SACS: variants seen among roughly 807,000 people sequenced by gnomAD.
The protein encoded by SACS is sacsin molecular chaperone.
Under a neutral mutation model 348.0 loss-of-function variants are expected in SACS, and 197 were observed. That is an observed-to-expected ratio of 0.57 (90% CI 0.50 to 0.64). SACS has a LOEUF of 0.64. SACS is among the 30% of genes least tolerant of loss of function. The probability of loss-of-function intolerance (pLI) is 0.00; values close to 1 mark genes in which losing one functional copy is unlikely to be tolerated. For synonymous variants in SACS, 1,985 were observed against 1,910.6 expected (o/e 1.04, Z -1.02); for missense variants, 4,999 against 5,360.8 (o/e 0.93, Z 2.11).
chr13:23,334,571 A>T lies in SACS; in HGVS notation c.9305T>A (p.Leu3102Ter), dbSNP rs886041949. Residue 3102 changes from leucine (L) to a stop codon, truncating the protein, a stop_gained, in exon 10 of 10, where the codon TTA becomes TAA. Transcript: ENST00000382292. LOFTEE classifies it high-confidence loss of function. The stretch of plus-strand genomic sequence containing the variant: ...AGTGTCAGGAGAGGAAAATGTCATT[A>T]AAAAAGATCTGATATCAGCAGGGGT... Reference protein sequence around the residue: ...YVTPADIRSFLMTFSSPDTNC... With the variant: ...YVTPADIRSF The T allele has an allele frequency of 3.1e-6, 5 of 1,613,398 alleles. No homozygotes were observed. The highest frequency in any genetic ancestry group is 1.7e-5 in the Admixed American group (1 of 59,964).
chr13:23,405,072 A>G (rs1409046593), intron 2 of SACS, among the ~76,000 whole-genome samples: 1 of 152,220 alleles, frequency 6.6e-6, no homozygotes, highest in Non-Finnish European at 1.5e-5. Flanking sequence ...TAAATTTCAT[A>G]TGGAACCAAA....
Position 23,330,808 on chromosome 13 carries a change from C to A in SACS, c.13068G>T (p.Gln4356His), listed in dbSNP as rs538608223. 2 of 1,614,094 alleles carry A rather than the reference C, an allele frequency of 1.2e-6. No homozygotes were observed. The highest frequency in any genetic ancestry group is 2.2e-5 in the South Asian group (2 of 91,074). Reference sequence around the variant, plus strand: ...GTTTTTCTAATCTGTTGATTTCATTCTGCAAATGTTTAAAAACTTCATTGG... The same window carrying A: ...GTTTTTCTAATCTGTTGATTTCATTATGCAAATGTTTAAAAACTTCATTGG... ...DIANEVFKHL[Q>H]NEINRLEKQA... is the part of the protein sequence containing the mutation. Residue 4356 changes from glutamine (Q) to histidine (H), a missense_variant, in exon 10 of 10, where the codon CAG becomes CAT. Transcript: ENST00000382292.
At chr13:23,409,396 T>C (rs1222347656) in intron 2 of SACS, among the ~76,000 whole-genome samples, 1 of 146,266 alleles carries the variant, frequency 6.8e-6, no homozygotes, top group Non-Finnish European at 1.5e-5. Context: ...TTCACTCTTG[T>C]TGTCCAGGCT....
intron 2 of SACS, among the ~76,000 whole-genome samples, chr13:23,375,785 C>T (rs552587380): frequency 3.3e-4 from 51 of 152,256 alleles, no homozygotes; most frequent in African/African-American, 1.2e-3. Context: ...CCAGGCCCCG[C>T]CCCGCCTGCA....
At chr13:23,384,540 T>C (rs1872193310) in intron 2 of SACS, among the ~76,000 whole-genome samples, 1 of 152,252 alleles carries the variant, frequency 6.6e-6, no homozygotes, top group African/African-American at 2.4e-5. Flanking sequence ...ATTGGACAGA[T>C]ATTAATAAAC....
At chr13:23,387,607 G>A (rs1872349458) in intron 2 of SACS, among the ~76,000 whole-genome samples, 1 of 151,888 alleles carries the variant, frequency 6.6e-6, no homozygotes. Context: ...GTTTCTTTTT[G>A]GTCCTCATAG....
intron 9 of SACS, among the ~76,000 whole-genome samples, chr13:23,347,929 C>G (rs1001904904): frequency 1.3e-5 from 2 of 152,032 alleles, no homozygotes; most frequent in African/African-American, 4.8e-5. Flanking sequence ...TTCATAACAC[C>G]CAGAAAATGG....
At chr13:23,383,941 A>G (rs543529375) in intron 2 of SACS, among the ~76,000 whole-genome samples, 2 of 152,326 alleles carry the variant, frequency 1.3e-5, no homozygotes, top group East Asian at 1.9e-4. Flanking sequence ...TGTGTGCACA[A>G]ATCAGGATGG....
intron 2 of SACS, among the ~76,000 whole-genome samples, chr13:23,394,060 T>C (rs747090718): frequency 3.3e-5 from 5 of 152,154 alleles, no homozygotes. Context: ...GTGCCTGGCC[T>C]TCTTGTTATT....
chr13:23,414,873 G>A (rs1264960006), intron 1 of SACS, among the ~76,000 whole-genome samples: 1 of 152,138 alleles, frequency 6.6e-6, no homozygotes, highest in African/African-American at 2.4e-5. Flanking sequence ...CAGTCCGATA[G>A]TCTCATCCAT....
In SACS at chr13:23,339,350, A is replaced by T. The variant is rs1409102944; in HGVS notation, c.4526T>A (p.Leu1509His). The T allele has an allele frequency of 6.2e-7, 1 of 1,613,398 alleles. No homozygotes were observed. The highest frequency in any genetic ancestry group is 8.5e-7 in the Non-Finnish European group (1 of 1,179,764). The change falls in exon 10 of 10, where the codon CTC becomes CAC. Residue 1509 changes from leucine to histidine, a missense_variant. Physicochemically the swap from Leu to His is moderately conservative, Grantham distance 99 (BLOSUM62 -3). This residue lies in a region of SACS where 3,156 missense variants were observed against 3,380.1 expected (regional missense o/e 0.93). Coordinates refer to ENST00000382292, the MANE Select transcript of SACS (RefSeq NM_014363.6). Reference sequence around the variant, plus strand: ...ACAAGCTGCCATCCCTGGGTCTAGGAGATTCTCTCTTATGTCCATATTTCT... The same window carrying T: ...ACAAGCTGCCATCCCTGGGTCTAGGTGATTCTCTCTTATGTCCATATTTCT... ...MRRNMDIRENLLDPGMAACHG... is the reference protein window; with the variant it reads ...MRRNMDIRENHLDPGMAACHG...
Position 23,334,987 on chromosome 13 carries a change from G to GA in SACS, c.8888dup (p.Val2965SerfsTer2). ...GCTGTAGATCAAGACGGTTAACTGG[G>GA]AAAAACGATAAAAACTTCTTTAAAG... On this transcript the variant is annotated frameshift_variant, in exon 10 of 10. Coordinates refer to ENST00000382292, the MANE Select transcript of SACS (RefSeq NM_014363.6). LOFTEE classifies it high-confidence loss of function. The GA allele has an allele frequency of 6.2e-7, 1 of 1,613,814 alleles. No homozygotes were observed. The highest frequency in any genetic ancestry group is 8.5e-7 in the Non-Finnish European group (1 of 1,179,806).
At chr13:23,352,690 T>G (rs994731975) in intron 9 of SACS, among the ~76,000 whole-genome samples, 2 of 152,176 alleles carry the variant, frequency 1.3e-5, no homozygotes, top group African/African-American at 4.8e-5. Flanking sequence ...GGCAGGCTTA[T>G]AGGAATCCAG....
intron 6 of SACS, among the ~76,000 whole-genome samples, chr13:23,358,949 G>GCATA (rs1389095809): frequency 6.6e-6 from 1 of 152,122 alleles, no homozygotes; most frequent in Non-Finnish European, 1.5e-5. Flanking sequence ...GGAGGCCAAA[G>GCATA]CGTATAGATC....
chr13:23,424,076 T>C (rs897906914), intron 1 of SACS, among the ~76,000 whole-genome samples: 4 of 152,102 alleles, frequency 2.6e-5, no homozygotes, highest in Non-Finnish European at 5.9e-5. Flanking sequence ...ATTTCAGAGG[T>C]TATTGGGTTT....
At chr13:23,366,685 T>A (rs1871087258) in intron 5 of SACS, among the ~76,000 whole-genome samples, 1 of 152,170 alleles carries the variant, frequency 6.6e-6, no homozygotes, top group Non-Finnish European at 1.5e-5. Flanking sequence ...AAACTAAAGA[T>A]AAAATCTAAG....
rs1873466812 is a variant in SACS, at chr13:23,411,229, T to C, written c.11A>G (p.Lys4Arg). 6.2e-7 allele frequency: 1 copy of C among 1,607,262 alleles called. No homozygotes were observed. Among genetic ancestry groups the C allele is most frequent in the Non-Finnish European group, 8.5e-7 (1 of 1,173,810 alleles). Residue 4 changes from lysine to arginine, a missense_variant, in exon 2 of 10, where the codon AAG becomes AGG. Lys to Arg is a conservative substitution (Grantham distance 26, BLOSUM62 2). Around this residue, in one of 6 missense-constraint regions of SACS, gnomAD observed 3,156 missense variants for 3,380.1 expected, o/e 0.93. Coordinates refer to ENST00000382292, the MANE Select transcript of SACS (RefSeq NM_014363.6). ...ACATTAACTCATTTACCTGTTCTCC[T>C]TGGTCTCCATGATCACTTCTCCTGG... MET[K>R]ENRWVPVTVL... is the part of the protein sequence containing the mutation.
intron 2 of SACS, among the ~76,000 whole-genome samples, chr13:23,388,485 G>GTATA (rs200207993): frequency 1.1e-3 from 88 of 83,454 alleles, no homozygotes; most frequent in East Asian, 8.0e-3. Context: ...TATGGTGTGT[G>GTATA]TGTATATATA....
At chr13:23,368,347 A>C in intron 5 of SACS, 55 bp downstream of exon 5, 2 of 1,283,386 alleles carry the variant, frequency 1.6e-6, no homozygotes, top group East Asian at 2.4e-5. Context: ...AAGTAAATTT[A>C]CTTCATCTCA....
Sources: allele counts gnomAD v4.1 joint callset (sites outside exome capture counted in the v4.1 genomes callset), GRCh38; gene constraint gnomAD v4.1.1; regional missense constraint gnomAD v4.1.1; transcripts MANE v1.5; gene names NCBI Gene and HGNC (gene_info 2026-07-23, HGNC 2026-07-21).